JARID2: variants seen among roughly 807,000 people sequenced by gnomAD.
JARID2 encodes protein Jumonji.
In JARID2, 21 loss-of-function variants were observed where a neutral mutation model predicts 125.6. The observed-to-expected ratio is 0.17, with a 90% CI of 0.12 to 0.24. The LOEUF is 0.24. Ranked by LOEUF, JARID2 falls within the 10% of genes least tolerant of loss-of-function variation. JARID2 has a pLI of 1.00. For missense variants in JARID2, 1,303 were observed against 1,639.6 expected (o/e 0.79, Z 3.55); for synonymous variants, 736 against 661.6 (o/e 1.11, Z -1.73).
At chr6:15,464,637 GGTT>G (rs1768622271) in intron 4 of JARID2, among the ~76,000 whole-genome samples, 1 of 152,108 alleles carries the variant, frequency 6.6e-6, no homozygotes, top group Non-Finnish European at 1.5e-5. Context: ...CTCTGGTGGT[GGTT>G]AACTGACCTC....
chr6:15,311,281 G>C (rs888229470), intron 1 of JARID2, among the ~76,000 whole-genome samples: 1 of 152,124 alleles, frequency 6.6e-6, no homozygotes, highest in Non-Finnish European at 1.5e-5. Context: ...TTTTACATTA[G>C]AAAAAGTCTG....
At chr6:15,376,580 C>G (rs544229922) in intron 2 of JARID2, among the ~76,000 whole-genome samples, 1 of 152,128 alleles carries the variant, frequency 6.6e-6, no homozygotes, top group South Asian at 2.1e-4. Flanking sequence ...ATAAATTAGC[C>G]AGGCATGGTG....
In JARID2 at chr6:15,304,205, C is replaced by T. The variant is rs116263062; in HGVS notation, c.45+57621C>T. ...CAGGGCTCAGGAGCCTCAGGATCAG[C>T]TGCCCATCTCGCTGCGCAGCCTCAG... On this transcript the variant is annotated intron_variant, in intron 1 of 17. Transcript: ENST00000341776. 2.6e-3 allele frequency among the ~76,000 whole-genome samples: 394 copies of T among 151,482 alleles called. 2 individuals are homozygous for T. The highest frequency in any genetic ancestry group is 8.9e-3 in the African/African-American group (370 of 41,344).
rs1770410787 is a variant in JARID2, at chr6:15,496,176, A to G, written c.951A>G (p.Ala317=). The G allele has an allele frequency of 6.2e-7, 1 of 1,614,042 alleles. No individual in the cohort carries two copies. The highest frequency in any genetic ancestry group is 1.3e-5 in the African/African-American group (1 of 75,012). The change falls in exon 7 of 18, where the codon GCA becomes GCG. Residue 317 remains alanine (A), a synonymous_variant. Transcript: ENST00000341776. ...TCACTCGAATGTCATCTCTGGGTGC[A>G]GGTGTAACCAGTGCCAAAAAGATGC... ...NGVTRMSSLG[A]GVTSAKKMRE...
intron 1 of JARID2, among the ~76,000 whole-genome samples, chr6:15,327,537 G>A (rs987065668): frequency 2.6e-5 from 4 of 151,114 alleles, no homozygotes; most frequent in African/African-American, 7.3e-5. Flanking sequence ...GAGTGTGTGT[G>A]TGTGTGTGTG....
chr6:15,346,831 G>C (rs796953982), intron 1 of JARID2, among the ~76,000 whole-genome samples: 8 of 151,878 alleles, frequency 5.3e-5, no homozygotes, highest in African/African-American at 1.9e-4. Context: ...CACCTCCTGG[G>C]TTCAAGCAGT....
intron 1 of JARID2, among the ~76,000 whole-genome samples, chr6:15,326,425 G>T (rs1762536247): frequency 1.3e-5 from 2 of 152,200 alleles, no homozygotes; most frequent in Non-Finnish European, 2.9e-5. Flanking sequence ...TGTCCTTGAA[G>T]TCCTGGCCCC....
chr6:15,482,446 GAC>G (rs991448628), intron 5 of JARID2, among the ~76,000 whole-genome samples: 8 of 152,098 alleles, frequency 5.3e-5, no homozygotes, highest in African/African-American at 1.7e-4. Context: ...TTTAAAAAAT[GAC>G]ACAAACCAGT....
chr6:15,430,965 A>G (rs1001279330), intron 3 of JARID2, among the ~76,000 whole-genome samples: 22 of 152,208 alleles, frequency 1.4e-4, no homozygotes, highest in African/African-American at 4.3e-4. Context: ...TCAGCCCCCA[A>G]GAAATATGTT....
At chr6:15,475,577 G>A (rs1769300005) in intron 5 of JARID2, among the ~76,000 whole-genome samples, 1 of 152,230 alleles carries the variant, frequency 6.6e-6, no homozygotes, top group Non-Finnish European at 1.5e-5. Flanking sequence ...AGGCACCTGA[G>A]CCAGGCCGTG....
chr6:15,416,725 G>A (rs1051666227), intron 3 of JARID2, among the ~76,000 whole-genome samples: 3 of 150,346 alleles, frequency 2.0e-5, no homozygotes, highest in Non-Finnish European at 3.0e-5. Flanking sequence ...GGGAGAGGGG[G>A]GAGAGGGAGA....
chr6:15,493,851 C>T (rs935890696), intron 6 of JARID2, among the ~76,000 whole-genome samples: 5 of 152,228 alleles, frequency 3.3e-5, no homozygotes, highest in African/African-American at 9.7e-5. Context: ...GTACTTACCA[C>T]GGAATATTTC....
intron 2 of JARID2, among the ~76,000 whole-genome samples, chr6:15,389,821 G>A (rs922531999): frequency 2.6e-5 from 4 of 152,188 alleles, no homozygotes; most frequent in Admixed American, 6.5e-5. Context: ...CTATTTTATG[G>A]TAATATGATG....
At chr6:15,456,359 T>C (rs1768176817) in intron 4 of JARID2, among the ~76,000 whole-genome samples, 1 of 152,142 alleles carries the variant, frequency 6.6e-6, no homozygotes, top group Non-Finnish European at 1.5e-5. Flanking sequence ...TTCTTTTAGA[T>C]GTCAAATACA....
At chr6:15,416,219 G>A (rs1350415565) in intron 3 of JARID2, among the ~76,000 whole-genome samples, 2 of 151,328 alleles carry the variant, frequency 1.3e-5, no homozygotes, top group South Asian at 2.1e-4. Context: ...TAGCCAGGCC[G>A]AGGGGCTCCT....
chr6:15,338,753 G>T (rs1762965955), intron 1 of JARID2, among the ~76,000 whole-genome samples: 1 of 151,930 alleles, frequency 6.6e-6, no homozygotes. Flanking sequence ...TCTCAACAAG[G>T]CCCAGTCTCA....
chr6:15,255,209 A>T (rs1759617008), intron 1 of JARID2, among the ~76,000 whole-genome samples: 1 of 132,974 alleles, frequency 7.5e-6, no homozygotes, highest in Non-Finnish European at 1.5e-5. Context: ...GCGCTATCTC[A>T]TTTTCCTGCC....
At chr6:15,400,556 G>A (rs1356191564) in intron 2 of JARID2, among the ~76,000 whole-genome samples, 1 of 151,976 alleles carries the variant, frequency 6.6e-6, no homozygotes, top group East Asian at 1.9e-4. Flanking sequence ...AACTGTGAAT[G>A]TCCCCCTCCC....
intron 5 of JARID2, among the ~76,000 whole-genome samples, chr6:15,477,831 C>T (rs1447744423): frequency 6.6e-6 from 1 of 152,124 alleles, no homozygotes. Flanking sequence ...AGATCTGGTG[C>T]CTGGAACAAC....
Sources: allele counts gnomAD v4.1 joint callset (sites outside exome capture counted in the v4.1 genomes callset), GRCh38; gene constraint gnomAD v4.1.1; transcripts MANE v1.5; gene names NCBI Gene and HGNC (gene_info 2026-07-23, HGNC 2026-07-21).